CADPS2: variants seen among roughly 807,000 people sequenced by gnomAD.
CADPS2 encodes calcium-dependent secretion activator 2.
CADPS2 carries 93 observed loss-of-function variants against 172.5 expected under a neutral mutation model. The ratio of observed to expected loss-of-function variants is 0.54; its 90% CI spans 0.46 to 0.64. The LOEUF is 0.64. Ranked by LOEUF, CADPS2 falls within the 30% of genes least tolerant of loss-of-function variation. The pLI, the probability that CADPS2 is intolerant of heterozygous loss-of-function variation, is 0.00. For missense variants in CADPS2, 1,420 were observed against 1,565.9 expected, an observed-to-expected ratio of 0.91 and a Z score of 1.57; for synonymous variants, 546 against 555.2, an observed-to-expected ratio of 0.98 and a Z score of 0.23.
intron 2 of CADPS2, among the ~76,000 whole-genome samples, chr7:122,726,914 T>A (rs2091164430): frequency 6.6e-6 from 1 of 151,944 alleles, no homozygotes; most frequent in Admixed American, 6.6e-5. Flanking sequence ...AATAACTTCC[T>A]GAGGAAAGGC....
At chr7:122,388,462 A>G in intron 23 of CADPS2, 121 bp downstream of exon 23, 1 of 1,003,834 alleles carries the variant, frequency 1.0e-6, no homozygotes, top group Non-Finnish European at 1.4e-6. Context: ...TACTCATTAA[A>G]TGTTGGAATA....
At chr7:122,545,929 T>C (rs1343424619) in intron 8 of CADPS2, among the ~76,000 whole-genome samples, 2 of 152,168 alleles carry the variant, frequency 1.3e-5, no homozygotes. Context: ...AGTATTAATA[T>C]TGATACGTAA....
rs530153736 is a variant in CADPS2, at chr7:122,704,563, T to C, written c.453+32392A>G. Among the ~76,000 whole-genome samples the C allele has an allele frequency of 2.0e-5, 3 of 152,214 alleles. No homozygotes were observed. The South Asian group carries it at 6.2e-4, about 32-fold the overall frequency. ...TTTTTTGTGGGTGAAGTGTTTAACC[T>C]GTAACTATATTTTGCTTCAAAACAT... On this transcript the variant is annotated intron_variant, in intron 2 of 29. Coordinates refer to ENST00000449022, the MANE Select transcript of CADPS2 (RefSeq NM_017954.11).
At chr7:122,557,115 CTTCTGT>C (rs767412074) in intron 7 of CADPS2, among the ~76,000 whole-genome samples, 4 of 152,128 alleles carry the variant, frequency 2.6e-5, no homozygotes, top group African/African-American at 9.7e-5. Flanking sequence ...GATACGAAAT[CTTCTGT>C]TTCTAAGAGA....
intron 1 of CADPS2, among the ~76,000 whole-genome samples, chr7:122,798,951 A>G (rs1407885851): frequency 6.6e-5 from 10 of 152,126 alleles, no homozygotes; most frequent in Admixed American, 6.5e-4. Context: ...GATGAAAGAC[A>G]GCCTTATCCC....
chr7:122,677,953 T>C (rs903943763), intron 2 of CADPS2, among the ~76,000 whole-genome samples: 1 of 152,234 alleles, frequency 6.6e-6, no homozygotes, highest in Non-Finnish European at 1.5e-5. Context: ...TACTTTCCCA[T>C]GCTCTGTGTA....
At chr7:122,457,109 T>C (rs980530452) in intron 14 of CADPS2, among the ~76,000 whole-genome samples, 1 of 152,228 alleles carries the variant, frequency 6.6e-6, no homozygotes, top group Non-Finnish European at 1.5e-5. Flanking sequence ...GGATGATTTC[T>C]GTGGTAAAAC....
At chr7:122,462,445 C>T (rs765136975) in intron 14 of CADPS2, among the ~76,000 whole-genome samples, 19 of 151,498 alleles carry the variant, frequency 1.3e-4, no homozygotes, top group Admixed American at 2.6e-4. Flanking sequence ...GAACATGAGC[C>T]AAAAAAGAAA....
chr7:122,569,476 A>G lies in CADPS2; in HGVS notation c.1335+11703T>C, dbSNP rs531589332. Among the ~76,000 whole-genome samples the G allele has an allele frequency of 9.2e-5, 14 of 151,448 alleles. No individual in the cohort carries two copies. In the South Asian group the frequency reaches 2.9e-3, roughly 32 times the overall value. On this transcript the variant is annotated intron_variant, in intron 7 of 29. Transcript: ENST00000449022. ...AATGCCCAAGGTAATTTATAGATTC[A>G]ATGCCATCCCCATCAAGCTACCAAT...
At chr7:122,450,963 C>T (rs2053014389) in intron 15 of CADPS2, among the ~76,000 whole-genome samples, 1 of 152,070 alleles carries the variant, frequency 6.6e-6, no homozygotes, top group Admixed American at 6.6e-5. Context: ...ATACTACAGA[C>T]AATAAATGCT....
At chr7:122,488,682 T>C (rs568204706) in intron 11 of CADPS2, among the ~76,000 whole-genome samples, 2 of 152,356 alleles carry the variant, frequency 1.3e-5, no homozygotes, top group South Asian at 4.1e-4. Flanking sequence ...CACAGTTTTA[T>C]GCAATCCCTC....
chr7:122,671,219 C>T (rs1184107629), intron 2 of CADPS2, among the ~76,000 whole-genome samples: 1 of 152,162 alleles, frequency 6.6e-6, no homozygotes, highest in Non-Finnish European at 1.5e-5. Flanking sequence ...AAGTCAAAGA[C>T]TGTTTCATTC....
chr7:122,411,182 T>C (rs2047261704), intron 19 of CADPS2, among the ~76,000 whole-genome samples: 1 of 152,056 alleles, frequency 6.6e-6, no homozygotes, highest in African/African-American at 2.4e-5. Context: ...GATTTCTTTA[T>C]ATCTTTTCTA....
At chr7:122,391,602 C>G (rs758881460) in intron 22 of CADPS2, among the ~76,000 whole-genome samples, 1 of 152,076 alleles carries the variant, frequency 6.6e-6, no homozygotes, top group Non-Finnish European at 1.5e-5. Flanking sequence ...ACTTTACACA[C>G]TCTAATGACC....
intron 9 of CADPS2, among the ~76,000 whole-genome samples, chr7:122,492,821 C>G: frequency 6.6e-6 from 1 of 152,048 alleles, no homozygotes; most frequent in East Asian, 1.9e-4. Flanking sequence ...CACTCAGCCT[C>G]CTGAATAGCT....
chr7:122,826,208 G>A (rs554534412), intron 1 of CADPS2, among the ~76,000 whole-genome samples: 37 of 152,316 alleles, frequency 2.4e-4, no homozygotes, highest in African/African-American at 8.4e-4. Context: ...ACCCAGGAGT[G>A]ATAAAGAGCC....
Position 122,663,582 on chromosome 7 carries a change from C to T in CADPS2, c.454-13G>A. The stretch of plus-strand genomic sequence containing the variant: ...TCTTTAGAAAAACCTGAAAACAAAA[C>T]AAAACAAAACAAAACAAAAAACAAT... On this transcript the variant is annotated splice_polypyrimidine_tract_variant and intron_variant, in intron 2 of 29. Transcript: ENST00000449022. 6.5e-7 allele frequency: 1 copy of T among 1,527,390 alleles called. No homozygotes were observed. The highest frequency in any genetic ancestry group is 2.1e-5 in the Admixed American group (1 of 48,744). The allele number at this position is 1,527,390 out of a possible 1,614,324, so 94.6% of individuals were successfully genotyped here.
intron 2 of CADPS2, chr7:122,697,632 T>C: frequency 1.6e-6 from 1 of 619,316 alleles, no homozygotes. Flanking sequence ...CCGCTAGGAC[T>C]TTTTTGCTAT....
In CADPS2 at chr7:122,754,040, G is replaced by A. The variant is rs189206928; in HGVS notation, c.340-16972C>T. On this transcript the variant is annotated intron_variant, in intron 1 of 29. Coordinates refer to ENST00000449022, the MANE Select transcript of CADPS2 (RefSeq NM_017954.11). ...CTCCCCACCAGGTAGGAGCTGTGCA[G>A]TGTTACACAAAACTGTGTCTCTCCT... 7.6e-4 allele frequency among the ~76,000 whole-genome samples: 116 copies of A among 152,334 alleles called. 1 individual carries two copies. Among genetic ancestry groups the A allele is most frequent in the Non-Finnish European group, 2.2e-4 (15 of 68,032 alleles).
Sources: allele counts gnomAD v4.1 joint callset (sites outside exome capture counted in the v4.1 genomes callset), GRCh38; gene constraint gnomAD v4.1.1; transcripts MANE v1.5; gene names NCBI Gene and HGNC (gene_info 2026-07-23, HGNC 2026-07-21).